PRSS38: variants seen among roughly 807,000 people sequenced by gnomAD.
PRSS38 encodes the protein serine protease 38, also known as marapsin 2.
In PRSS38, 22 loss-of-function variants were observed where a neutral mutation model predicts 26.8. The observed-to-expected ratio is 0.82, with a 90% CI of 0.59 to 1.17. The LOEUF (loss-of-function observed/expected upper bound fraction) is 1.17, where lower values mean the gene tolerates loss of function less well. Among genes scored for constraint, PRSS38 ranks in the 50% most tolerant of loss-of-function variants. PRSS38 has a pLI of 0.00. For missense variants in PRSS38, 427 were observed against 422.7 expected, an observed-to-expected ratio of 1.01 and a Z score of -0.09; for synonymous variants, 175 against 172.1, an observed-to-expected ratio of 1.02 and a Z score of -0.13.
At chr1:227,846,328 C>CGGGGGTGGATGCTGAGTCCA (rs1665430975) in exon 5 of PRSS38, 2 of 1,296,352 alleles carry the variant, frequency 1.5e-6, no homozygotes, top group East Asian at 4.7e-5. Context: ...CCACCTATCC[C>CGGGGGTGGATGCTGAGTCCA]GGGGGTGGAT....
At chr1:227,837,852 T>C (rs1665260186) in intron 3 of PRSS38, among the ~76,000 whole-genome samples, 1 of 152,250 alleles carries the variant, frequency 6.6e-6, no homozygotes, top group Admixed American at 6.5e-5. Flanking sequence ...ATATTCTGGA[T>C]ACATGTACTT....
exon 5 of PRSS38, chr1:227,846,373 AG>A: frequency 2.3e-6 from 2 of 883,478 alleles, no homozygotes; most frequent in Non-Finnish European, 1.7e-6. Flanking sequence ...AGTGTACAAA[AG>A]AAAAAAGGGA....
At chr1:227,845,408 A>G (rs927402482) in intron 3 of PRSS38, 62 bp from the exon 4 acceptor site, 200 of 1,183,074 alleles carry the variant, frequency 1.7e-4, no homozygotes, top group Non-Finnish European at 2.1e-4. Context: ...ACTGTGGGGC[A>G]GGGATCCCCC....
chr1:227,827,315 C>CT (rs1665087748), intron 3 of PRSS38, among the ~76,000 whole-genome samples: 1 of 152,028 alleles, frequency 6.6e-6, no homozygotes, highest in African/African-American at 2.4e-5. Flanking sequence ...AGGTCCTGGG[C>CT]TTTTTTTGGT....
At chr1:227,826,442 G>A (rs556678221) in intron 3 of PRSS38, among the ~76,000 whole-genome samples, 1 of 152,146 alleles carries the variant, frequency 6.6e-6, no homozygotes, top group Admixed American at 6.5e-5. Context: ...GGCCAAGTGC[G>A]GTGGCTAACG....
chr1:227,843,192 T>C (rs1665364056), intron 3 of PRSS38, among the ~76,000 whole-genome samples: 1 of 152,292 alleles, frequency 6.6e-6, no homozygotes, highest in East Asian at 1.9e-4. Context: ...GATGCATAAA[T>C]GAGCTGCAGG....
intron 3 of PRSS38, among the ~76,000 whole-genome samples, chr1:227,822,035 C>A (rs1198428298): frequency 6.6e-6 from 1 of 152,118 alleles, no homozygotes; most frequent in East Asian, 1.9e-4. Context: ...TTTTTCCTTT[C>A]TAATCCTTAG....
rs201113206 is a variant in PRSS38, at chr1:227,822,371, GT to G, written c.583+4898del. Among the ~76,000 whole-genome samples, 8 of 151,838 alleles carry G rather than the reference GT, an allele frequency of 5.3e-5. No individual in the cohort carries two copies. The East Asian group carries it at 1.4e-3, about 26-fold the overall frequency. On this transcript the variant is annotated intron_variant, in intron 3 of 4. Coordinates refer to ENST00000366757, the Ensembl canonical transcript of PRSS38. ...ATTTTGTTTTCTTAAGTGGGCCATA[GT>G]TTTTTTCTGATTTTTGTTGTTATTA...
At chr1:227,839,391 G>A (rs7551447) in intron 3 of PRSS38, among the ~76,000 whole-genome samples, 39,712 of 151,778 alleles carry the variant, frequency 0.26, 5,294 homozygotes, top group Non-Finnish European at 0.28. Context: ...GATGGTTTGA[G>A]CTCAGGAGGT....
At chr1:227,837,140 G>A (rs542805758) in intron 3 of PRSS38, among the ~76,000 whole-genome samples, 3 of 152,128 alleles carry the variant, frequency 2.0e-5, no homozygotes, top group South Asian at 2.1e-4. Flanking sequence ...ACAGGCGTGC[G>A]CCACCATGCC....
At chr1:227,845,033 G>C (rs1312198635) in intron 3 of PRSS38, among the ~76,000 whole-genome samples, 1 of 148,090 alleles carries the variant, frequency 6.8e-6, no homozygotes, top group African/African-American at 2.5e-5. Flanking sequence ...ATGTGTGGTG[G>C]GGCTCTTCCC....
chr1:227,845,338 A>T (rs1287696097), intron 3 of PRSS38, 132 bp from the exon 4 acceptor site: 7 of 637,912 alleles, frequency 1.1e-5, no homozygotes, highest in Admixed American at 2.8e-5. Context: ...CCTATGTGTC[A>T]TCAGGGCTCC....
chr1:227,837,128 C>A (rs1665248614), intron 3 of PRSS38, among the ~76,000 whole-genome samples: 1 of 152,168 alleles, frequency 6.6e-6, no homozygotes, highest in African/African-American at 2.4e-5. Context: ...GGAGCTGGGA[C>A]TACAGGCGTG....
chr1:227,839,070 A>T (rs565447775), intron 3 of PRSS38, among the ~76,000 whole-genome samples: 76 of 152,320 alleles, frequency 5.0e-4, no homozygotes, highest in African/African-American at 1.8e-3. Flanking sequence ...ATTCAGGTTC[A>T]GCCAAAAATG....
At chr1:227,829,937 GT>G (rs566387356) in intron 3 of PRSS38, among the ~76,000 whole-genome samples, 3 of 152,118 alleles carry the variant, frequency 2.0e-5, no homozygotes, top group African/African-American at 4.8e-5. Context: ...GAGCTGTGGG[GT>G]TTTTTTGTAG....
chr1:227,831,061 T>C (rs1384369290), intron 3 of PRSS38, among the ~76,000 whole-genome samples: 1 of 152,242 alleles, frequency 6.6e-6, no homozygotes, highest in South Asian at 2.1e-4. Flanking sequence ...TCTTATTTTC[T>C]TCCTTCTGAT....
At chr1:227,825,863 CT>C (rs531700020) in intron 3 of PRSS38, among the ~76,000 whole-genome samples, 2 of 151,838 alleles carry the variant, frequency 1.3e-5, no homozygotes, top group South Asian at 2.1e-4. Flanking sequence ...GCTATTCAGG[CT>C]TTTTTTTGTG....
intron 3 of PRSS38, among the ~76,000 whole-genome samples, chr1:227,834,332 TG>T (rs536732461): frequency 1.2e-3 from 185 of 152,252 alleles, no homozygotes; most frequent in African/African-American, 4.3e-3. Flanking sequence ...ATCACAACCT[TG>T]GACTTGGCAA....
chr1:227,838,354 A>ATG (rs1379920113), intron 3 of PRSS38, among the ~76,000 whole-genome samples: 1 of 152,166 alleles, frequency 6.6e-6, no homozygotes, highest in African/African-American at 2.4e-5. Context: ...CTGTGATTCC[A>ATG]TGTGTGGCCC....
Sources: gnomAD v4.1 joint callset for allele counts (sites outside exome capture counted in the v4.1 genomes callset) on GRCh38, gnomAD v4.1.1 for gene constraint, MANE v1.5 for transcripts, NCBI Gene and HGNC (gene_info 2026-07-23, HGNC 2026-07-21) for gene names.